Variants in PCDHA9 observed in about 807,000 individuals in gnomAD.
PCDHA9 encodes the protein protocadherin alpha-9.
In PCDHA9, 62 loss-of-function variants were observed where a neutral mutation model predicts 62.0. The observed-to-expected ratio is 1.00, with a 90% confidence interval of 0.81 to 1.23. PCDHA9 has a LOEUF of 1.23. PCDHA9 is among the 50% of genes most tolerant of loss of function. The probability of loss-of-function intolerance (pLI) is 0.00; values close to 1 mark genes in which losing one functional copy is unlikely to be tolerated. For synonymous variants in PCDHA9, 557 were observed against 567.6 expected (o/e 0.98, Z 0.27); for missense variants, 1,205 against 1,249.8 (o/e 0.96, Z 0.54).
At position 140,850,562 on chromosome 5, in the gene PCDHA9, C is replaced by G. The variant is rs2150489447; in HGVS notation, c.2067C>G (p.Pro689=). The change falls in exon 1 of 4, where the codon CCC becomes CCG. Residue 689 remains proline, a synonymous_variant. Transcript: ENST00000532602. Reference sequence around the variant, plus strand: ...GGGCGTCAGTGGGTGCCACGGGCCCCGAGGTGACGCTGGTGGATGTCAACG... The same window carrying G: ...GGGCGTCAGTGGGTGCCACGGGCCCGGAGGTGACGCTGGTGGATGTCAACG... ...SSRASVGATG[P]EVTLVDVNVY... 18 of 1,598,196 alleles carry G rather than the reference C, an allele frequency of 1.1e-5. 1 individual carries two copies. Among genetic ancestry groups the G allele is most frequent in the Admixed American group, 8.4e-5 (5 of 59,298 alleles).
At chr5:140,899,269 A>C (rs1301807291) in intron 1 of PCDHA9, among the ~76,000 whole-genome samples, 2 of 152,260 alleles carry the variant, frequency 1.3e-5, no homozygotes, top group East Asian at 3.9e-4. Context: ...GTCTTGTGGC[A>C]GTTTTCAAAG....
intron 1 of PCDHA9, among the ~76,000 whole-genome samples, chr5:140,925,210 C>T (rs1319343041): frequency 2.0e-5 from 3 of 152,122 alleles, no homozygotes; most frequent in African/African-American, 7.2e-5. Context: ...ATTATCGATA[C>T]TTTTAGGCAG....
chr5:140,856,837 C>A, intron 1 of PCDHA9: 1 of 1,591,918 alleles, frequency 6.3e-7, no homozygotes, highest in Non-Finnish European at 8.6e-7. Flanking sequence ...TAATACGGCT[C>A]AACGCTTCTG....
intron 1 of PCDHA9, chr5:140,928,913 G>T (rs782438428): frequency 2.5e-6 from 4 of 1,614,132 alleles, no homozygotes; most frequent in Non-Finnish European, 2.5e-6. Flanking sequence ...TGGGAACCAG[G>T]AGGGCAGCTT....
rs2150458258 is a variant in PCDHA9 at position 140,849,933 on chromosome 5, C to T, written c.1438C>T (p.Arg480Trp). Residue 480 changes from arginine to tryptophan, a missense_variant, in exon 1 of 4, where the codon CGG (arginine) becomes TGG (tryptophan). This residue lies in a region of PCDHA9 where 887 missense variants were observed against 809.5 expected (regional missense o/e 1.10). Transcript: ENST00000532602. Reference sequence around the variant, plus strand: ...CTGCCACATCTTCACGGTGTCTGCGCGGGACGCTGACGCGCAGGAGAACGC... The same window carrying T: ...CTGCCACATCTTCACGGTGTCTGCGTGGGACGCTGACGCGCAGGAGAACGC... ...PGCHIFTVSA[R>W]DADAQENALV... The T allele has an allele frequency of 9.3e-5, 149 of 1,598,118 alleles. 10 individuals are homozygous for T. The highest frequency in any genetic ancestry group is 7.4e-4 in the South Asian group (67 of 90,542).
intron 1 of PCDHA9, chr5:140,966,581 G>A: frequency 1.9e-6 from 1 of 535,414 alleles, no homozygotes; most frequent in Non-Finnish European, 3.0e-6. Flanking sequence ...AGTCAGCGAG[G>A]ACGGTGGGGC....
At chr5:140,978,767 AC>A (rs1167493285) in intron 1 of PCDHA9, among the ~76,000 whole-genome samples, 181 bp from the exon 2 acceptor site, 4 of 152,342 alleles carry the variant, frequency 2.6e-5, no homozygotes, top group South Asian at 2.1e-4. Flanking sequence ...ACCCTGATGA[AC>A]TAATTTTCTT....
chr5:140,929,179 G>T (rs782673786), intron 1 of PCDHA9: 5 of 1,614,104 alleles, frequency 3.1e-6, no homozygotes, highest in Non-Finnish European at 4.2e-6. Context: ...TCTGGGACTT[G>T]GTTCTGATAA....
At chr5:140,955,648 A>G (rs1554222007) in intron 1 of PCDHA9, among the ~76,000 whole-genome samples, 1 of 152,138 alleles carries the variant, frequency 6.6e-6, no homozygotes, top group East Asian at 1.9e-4. Flanking sequence ...ACAAATTAAT[A>G]CACATATGAA....
chr5:140,889,639 G>A (rs1271182789), intron 1 of PCDHA9, among the ~76,000 whole-genome samples: 1 of 151,770 alleles, frequency 6.6e-6, no homozygotes, highest in Non-Finnish European at 1.5e-5. Flanking sequence ...TTTCATTTGT[G>A]TTTGCAGGAG....
chr5:140,851,492 T>C, intron 1 of PCDHA9: 2 of 896,256 alleles, frequency 2.2e-6, no homozygotes, highest in Non-Finnish European at 2.7e-6. Context: ...ACAGCCTTCA[T>C]TTCAACTTAT....
chr5:141,004,092 C>T (rs1245515449), intron 3 of PCDHA9, among the ~76,000 whole-genome samples: 1 of 152,198 alleles, frequency 6.6e-6, no homozygotes, highest in Non-Finnish European at 1.5e-5. Context: ...TGTGCTTCTT[C>T]CGTTTTCATC....
At chr5:140,943,761 A>T (rs1219179710) in intron 1 of PCDHA9, among the ~76,000 whole-genome samples, 1 of 152,248 alleles carries the variant, frequency 6.6e-6, no homozygotes, top group Non-Finnish European at 1.5e-5. Context: ...TAGGAGATGT[A>T]GGAAAAAAAC....
intron 1 of PCDHA9, among the ~76,000 whole-genome samples, chr5:140,946,626 A>G (rs2093985217): frequency 7.5e-6 from 1 of 132,480 alleles, no homozygotes; most frequent in Non-Finnish European, 1.6e-5. Context: ...ATATATATAT[A>G]TATATACAAT....
intron 1 of PCDHA9, chr5:140,877,012 A>G: frequency 6.2e-7 from 1 of 1,612,352 alleles, no homozygotes; most frequent in Non-Finnish European, 8.5e-7. Flanking sequence ...GCACGCGGAG[A>G]GCGGCAAGGT....
At chr5:140,964,044 A>G (rs155810) in intron 1 of PCDHA9, among the ~76,000 whole-genome samples, 592 of 152,346 alleles carry the variant, frequency 3.9e-3, no homozygotes, top group Middle Eastern at 0.024. Context: ...AAAGGAATGC[A>G]TAATGGTGTG....
intron 1 of PCDHA9, among the ~76,000 whole-genome samples, chr5:140,953,061 G>A (rs919542084): frequency 2.0e-5 from 3 of 152,064 alleles, no homozygotes; most frequent in African/African-American, 7.2e-5. Flanking sequence ...CCTCTCACAG[G>A]CCCCATCTCC....
chr5:140,868,806 G>A (rs374832846), intron 1 of PCDHA9: 20 of 357,070 alleles, frequency 5.6e-5, no homozygotes, highest in African/African-American at 2.7e-4. Context: ...AAATAAGCAC[G>A]TTGGAAATAT....
chr5:140,900,063 G>A (rs1554188862), intron 1 of PCDHA9, among the ~76,000 whole-genome samples: 3 of 152,122 alleles, frequency 2.0e-5, no homozygotes, highest in African/African-American at 7.2e-5. Context: ...TTTAACCTCA[G>A]CCTCCAAAAG....
Sources: allele counts gnomAD v4.1 joint callset (sites outside exome capture counted in the v4.1 genomes callset), GRCh38; gene constraint gnomAD v4.1.1; regional missense constraint gnomAD v4.1.1; transcripts MANE v1.5; gene names NCBI Gene and HGNC (gene_info 2026-07-23, HGNC 2026-07-21).